Variants in MFHAS1 observed in about 807,000 individuals in gnomAD.
The protein encoded by MFHAS1 is malignant fibrous histiocytoma-amplified sequence 1.
MFHAS1 carries 50 observed loss-of-function variants against 70.4 expected under a neutral mutation model. The observed-to-expected ratio is 0.71, with a 90% CI of 0.57 to 0.90. The LOEUF is 0.90. Among genes scored for constraint, MFHAS1 ranks in the 40% least tolerant of loss-of-function variants. MFHAS1 has a pLI of 0.00. For missense variants in MFHAS1, 1,795 were observed against 1,347.6 expected, an observed-to-expected ratio of 1.33 and a Z score of -5.20; for synonymous variants, 952 against 620.0, an observed-to-expected ratio of 1.54 and a Z score of -7.96.
intron 1 of MFHAS1, among the ~76,000 whole-genome samples, chr8:8,844,027 C>A (rs1025013034): frequency 6.6e-6 from 1 of 152,164 alleles, no homozygotes; most frequent in African/African-American, 2.4e-5. Flanking sequence ...GGGTGTCATG[C>A]TGAAAGGCAC....
chr8:8,870,313 A>T (rs980405231), intron 1 of MFHAS1, among the ~76,000 whole-genome samples: 3 of 130,428 alleles, frequency 2.3e-5, no homozygotes, highest in Non-Finnish European at 5.0e-5. Context: ...AAAAAAAAAA[A>T]AATTAGCCAG....
At chr8:8,814,551 G>A (rs60675059) in intron 1 of MFHAS1, among the ~76,000 whole-genome samples, 1 of 152,154 alleles carries the variant, frequency 6.6e-6, no homozygotes, top group Non-Finnish European at 1.5e-5. Context: ...AGCCTGTCAT[G>A]AAAGTTAAAA....
intron 1 of MFHAS1, among the ~76,000 whole-genome samples, chr8:8,826,247 A>AGTGTGTGTGAGTGTGT (rs1554480372): frequency 1.4e-5 from 2 of 147,774 alleles, no homozygotes; most frequent in Non-Finnish European, 3.0e-5. Flanking sequence ...AAACACAAAG[A>AGTGTGTGTGAGTGTGT]GTGTGTGTGT....
At chr8:8,836,537 C>T (rs1045572342) in intron 1 of MFHAS1, among the ~76,000 whole-genome samples, 2 of 152,148 alleles carry the variant, frequency 1.3e-5, no homozygotes, top group Non-Finnish European at 2.9e-5. Flanking sequence ...CACCACCACA[C>T]CCAGCCAATT....
intron 1 of MFHAS1, among the ~76,000 whole-genome samples, chr8:8,820,436 A>G (rs1806911048): frequency 6.6e-6 from 1 of 152,178 alleles, no homozygotes; most frequent in African/African-American, 2.4e-5. Context: ...CTCTTCTTTC[A>G]TCTGACAGTC....
At chr8:8,805,411 TA>T (rs147399544) in intron 1 of MFHAS1, among the ~76,000 whole-genome samples, 2,299 of 152,252 alleles carry the variant, frequency 0.015, 70 homozygotes, top group East Asian at 0.13. Flanking sequence ...TACAATAAAA[TA>T]AGCTAGAAAA....
intron 1 of MFHAS1, among the ~76,000 whole-genome samples, chr8:8,828,400 C>G (rs539725290): frequency 6.6e-6 from 1 of 152,322 alleles, no homozygotes; most frequent in South Asian, 2.1e-4. Context: ...CCTTGGGACA[C>G]TGCCAGTAGC....
At chr8:8,859,751 A>G (rs1451373026) in intron 1 of MFHAS1, among the ~76,000 whole-genome samples, 1 of 152,218 alleles carries the variant, frequency 6.6e-6, no homozygotes, top group Non-Finnish European at 1.5e-5. Context: ...AATATGTGCT[A>G]TTGACTGTTA....
chr8:8,822,356 G>T (rs56091524), intron 1 of MFHAS1, among the ~76,000 whole-genome samples: 15,753 of 152,218 alleles, frequency 0.1, 1,037 homozygotes, highest in African/African-American at 0.18. Context: ...AGATGGCACT[G>T]AGACGTGACC....
At chr8:8,793,421 A>G (rs1805785503) in intron 2 of MFHAS1, among the ~76,000 whole-genome samples, 1 of 152,248 alleles carries the variant, frequency 6.6e-6, no homozygotes, top group Admixed American at 6.5e-5. Flanking sequence ...TAAACCAGCC[A>G]AAGAAGAGCT....
chr8:8,812,653 G>A (rs556525316), intron 1 of MFHAS1, among the ~76,000 whole-genome samples: 107 of 152,310 alleles, frequency 7.0e-4, no homozygotes, highest in African/African-American at 2.2e-3. Flanking sequence ...CTGTCTTGGC[G>A]GGAAGGGGTA....
intron 1 of MFHAS1, among the ~76,000 whole-genome samples, chr8:8,813,888 C>T (rs542169510): frequency 6.6e-6 from 1 of 152,038 alleles, no homozygotes; most frequent in African/African-American, 2.4e-5. Flanking sequence ...TCCATTCCTA[C>T]AAGCTCCATT....
At chr8:8,869,406 C>T (rs749854752) in intron 1 of MFHAS1, among the ~76,000 whole-genome samples, 3 of 152,122 alleles carry the variant, frequency 2.0e-5, no homozygotes, top group Non-Finnish European at 4.4e-5. Flanking sequence ...GCCAAGCACG[C>T]GACAATCAGC....
chr8:8,834,169 C>T (rs1032997662), intron 1 of MFHAS1, among the ~76,000 whole-genome samples: 5 of 151,900 alleles, frequency 3.3e-5, no homozygotes, highest in African/African-American at 7.3e-5. Context: ...AAACAAAAAA[C>T]AGGAACAGAC....
rs193240169 is a variant in MFHAS1 at position 8,819,497 on chromosome 8, C to T, written c.2999-22006G>A. Among the ~76,000 whole-genome samples, 596 of 149,726 alleles carry T rather than the reference C, an allele frequency of 4.0e-3. 3 individuals are homozygous for T. The highest frequency in any genetic ancestry group is 0.014 in the African/African-American group (561 of 40,634). On this transcript the variant is annotated intron_variant, in intron 1 of 2. Transcript: ENST00000276282. ...GCGGGTGCCTGCAGTCCCAGCTACT[C>T]GGGAGGCTGAGGCAGGAGAATGGCG... is the stretch of plus-strand genomic sequence containing the variant.
intron 2 of MFHAS1, 93 bp downstream of exon 2, chr8:8,797,272 G>A (rs1390335840): frequency 4.1e-6 from 6 of 1,459,470 alleles, no homozygotes; most frequent in Admixed American, 1.9e-5. Context: ...CAAGGTTTGT[G>A]CAGATGCAGT....
chr8:8,807,593 G>A (rs1053517996), intron 1 of MFHAS1, among the ~76,000 whole-genome samples: 5 of 152,024 alleles, frequency 3.3e-5, no homozygotes, highest in African/African-American at 1.2e-4. Flanking sequence ...CTTCTTCTGA[G>A]AGCAAAGGGA....
At chr8:8,815,653 C>A (rs1411849520) in intron 1 of MFHAS1, among the ~76,000 whole-genome samples, 2 of 151,926 alleles carry the variant, frequency 1.3e-5, no homozygotes, top group Admixed American at 1.3e-4. Context: ...TTGTTGCATG[C>A]CTACTAGAAT....
intron 1 of MFHAS1, among the ~76,000 whole-genome samples, chr8:8,831,875 G>A (rs748558654): frequency 1.8e-4 from 27 of 152,104 alleles, no homozygotes; most frequent in African/African-American, 4.8e-5. Context: ...GCCTCCCAAA[G>A]TGCTGGGATT....
Sources: allele counts gnomAD v4.1 joint callset (sites outside exome capture counted in the v4.1 genomes callset), GRCh38; gene constraint gnomAD v4.1.1; transcripts MANE v1.5; gene names NCBI Gene and HGNC (gene_info 2026-07-23, HGNC 2026-07-21).